Variants in ATRNL1 observed in about 807,000 individuals in gnomAD.
ATRNL1 encodes attractin-like protein 1.
A neutral mutation model predicts 182.7 loss-of-function variants in ATRNL1; 95 were observed. The observed-to-expected ratio is 0.52, with a 90% CI of 0.44 to 0.62. The LOEUF (loss-of-function observed/expected upper bound fraction) is 0.62, where lower values mean the gene tolerates loss of function less well. ATRNL1 is among the 20% of genes least tolerant of loss of function. The pLI is 0.00. For synonymous variants in ATRNL1, 576 were observed against 568.3 expected, an observed-to-expected ratio of 1.01 and a Z score of -0.19; for missense variants, 1,471 against 1,679.5, an observed-to-expected ratio of 0.88 and a Z score of 2.17.
chr10:115,138,379 T>G (rs1554877188), intron 5 of ATRNL1, among the ~76,000 whole-genome samples: 1 of 152,244 alleles, frequency 6.6e-6, no homozygotes, highest in East Asian at 1.9e-4. Flanking sequence ...CCTTCTGCAC[T>G]GCCCTAGCAG....
chr10:115,656,288 T>C (rs1472227061), intron 26 of ATRNL1, among the ~76,000 whole-genome samples: 2 of 152,198 alleles, frequency 1.3e-5, no homozygotes, highest in Non-Finnish European at 2.9e-5. Context: ...GTTGTTTTGA[T>C]ATAATATTAA....
intron 15 of ATRNL1, among the ~76,000 whole-genome samples, chr10:115,296,555 T>G (rs2133965062): frequency 6.6e-6 from 1 of 152,310 alleles, no homozygotes; most frequent in African/African-American, 2.4e-5. Context: ...CTATCCCCAG[T>G]TTCTGTCTAT....
intron 5 of ATRNL1, among the ~76,000 whole-genome samples, chr10:115,140,493 C>T (rs1008455293): frequency 6.6e-6 from 1 of 152,162 alleles, no homozygotes; most frequent in African/African-American, 2.4e-5. Context: ...CAGCAAGCTT[C>T]AGCATACAAT....
At chr10:115,778,119 G>A (rs1316978924) in intron 27 of ATRNL1, among the ~76,000 whole-genome samples, 2 of 152,292 alleles carry the variant, frequency 1.3e-5, no homozygotes, top group East Asian at 3.9e-4. Flanking sequence ...GCTAGAAATT[G>A]TAGCTGAATA....
intron 8 of ATRNL1, among the ~76,000 whole-genome samples, chr10:115,185,416 C>G (rs1847903306): frequency 6.6e-6 from 1 of 151,946 alleles, no homozygotes; most frequent in South Asian, 2.1e-4. Flanking sequence ...GTCAAAAGAA[C>G]ACAGGAATCA....
intron 19 of ATRNL1, among the ~76,000 whole-genome samples, chr10:115,377,133 G>C (rs1227614808): frequency 5.9e-5 from 9 of 151,842 alleles, no homozygotes; most frequent in Admixed American, 5.9e-4. Flanking sequence ...TTATTTAATT[G>C]TTGGTATGGT....
intron 26 of ATRNL1, among the ~76,000 whole-genome samples, chr10:115,553,833 A>T (rs1184285910): frequency 6.6e-6 from 1 of 151,504 alleles, no homozygotes; most frequent in East Asian, 1.9e-4. Context: ...TAAACCAATT[A>T]GTTATAAAAT....
chr10:115,546,724 A>G (rs1235568689), intron 25 of ATRNL1, among the ~76,000 whole-genome samples: 1 of 152,156 alleles, frequency 6.6e-6, no homozygotes, highest in Non-Finnish European at 1.5e-5. Flanking sequence ...ATATTGTATG[A>G]TATTTAAGTA....
chr10:115,209,511 T>C (rs1554894537), intron 8 of ATRNL1, among the ~76,000 whole-genome samples: 1 of 151,516 alleles, frequency 6.6e-6, no homozygotes, highest in Non-Finnish European at 1.5e-5. Flanking sequence ...ACTCTTGGTA[T>C]ATTTGAGTAA....
At chr10:115,284,396 A>G (rs1852510652) in intron 14 of ATRNL1, among the ~76,000 whole-genome samples, 1 of 152,202 alleles carries the variant, frequency 6.6e-6, no homozygotes. Flanking sequence ...AAACGTTTGC[A>G]TTGTAAGGAA....
intron 19 of ATRNL1, among the ~76,000 whole-genome samples, chr10:115,362,329 A>G (rs147232912): frequency 6.6e-6 from 1 of 152,094 alleles, no homozygotes; most frequent in African/African-American, 2.4e-5. Flanking sequence ...ATGAAAATTT[A>G]TTTTTCATAT....
Position 115,120,176 on chromosome 10 carries a change from C to T in ATRNL1, c.294-9C>T. The stretch of plus-strand genomic sequence containing the variant: ...GTAATTATTTTCATTATTTTATTTT[C>T]TCTTCCAGGTTAACAGAACCTTCTG... On this transcript the variant is annotated splice_polypyrimidine_tract_variant and intron_variant, in intron 1 of 28. Transcript: ENST00000355044. The T allele has an allele frequency of 7.0e-7, 1 of 1,437,856 alleles. No homozygotes were observed. Among genetic ancestry groups the T allele is most frequent in the Non-Finnish European group, 9.7e-7 (1 of 1,029,602 alleles). The allele number at this position is 1,437,856 out of a possible 1,614,324, so 89.1% of individuals were successfully genotyped here.
intron 19 of ATRNL1, among the ~76,000 whole-genome samples, chr10:115,368,096 G>T (rs1163296879): frequency 5.9e-5 from 9 of 152,190 alleles, no homozygotes; most frequent in African/African-American, 2.2e-4. Context: ...AAGCAAGCCT[G>T]GGCAATGGCG....
At chr10:115,888,131 A>T (rs907327360) in intron 28 of ATRNL1, among the ~76,000 whole-genome samples, 1 of 152,140 alleles carries the variant, frequency 6.6e-6, no homozygotes, top group South Asian at 2.1e-4. Context: ...TCTCTAAGGT[A>T]GCAGTCCTCT....
chr10:115,874,116 G>A (rs2134423299), intron 28 of ATRNL1, among the ~76,000 whole-genome samples: 1 of 152,268 alleles, frequency 6.6e-6, no homozygotes, highest in East Asian at 1.9e-4. Context: ...GAAAGTCATG[G>A]TTGATGCCCT....
chr10:115,603,032 G>A (rs1280168051), intron 26 of ATRNL1, among the ~76,000 whole-genome samples: 1 of 152,150 alleles, frequency 6.6e-6, no homozygotes, highest in Non-Finnish European at 1.5e-5. Flanking sequence ...GGTCTGAAAA[G>A]TTCCTGAGTA....
Position 115,945,227 on chromosome 10 carries a change from A to G in ATRNL1, c.*448A>G, listed in dbSNP as rs150129063. 1.3e-5 allele frequency: 2 copies of G among 152,522 alleles called. No homozygotes were observed. Among genetic ancestry groups the G allele is most frequent in the Non-Finnish European group, 2.9e-5 (2 of 68,206 alleles). The allele number at this position is 152,522 out of a possible 1,614,324, so 9.4% of individuals were successfully genotyped here. On this transcript the variant is annotated 3_prime_UTR_variant, in exon 29 of 29. Coordinates refer to ENST00000355044, the MANE Select transcript of ATRNL1 (RefSeq NM_207303.4). ...GGAATGAACACATTGCAATGGCTTT[A>G]AATGCTCTTTTATCTCGTTGTAAAG... is the stretch of plus-strand genomic sequence containing the variant.
At chr10:115,345,375 A>G (rs577383856) in intron 19 of ATRNL1, among the ~76,000 whole-genome samples, 91 of 152,280 alleles carry the variant, frequency 6.0e-4, no homozygotes, top group South Asian at 5.0e-3. Flanking sequence ...CCTTTCTACT[A>G]TAGCAGGACA....
At chr10:115,558,275 C>T (rs1565163757) in intron 26 of ATRNL1, among the ~76,000 whole-genome samples, 1 of 152,098 alleles carries the variant, frequency 6.6e-6, no homozygotes, top group Non-Finnish European at 1.5e-5. Context: ...AGAGAGAAAG[C>T]ACTCCACAGA....
Sources: allele counts gnomAD v4.1 joint callset (sites outside exome capture counted in the v4.1 genomes callset), GRCh38; gene constraint gnomAD v4.1.1; transcripts MANE v1.5; gene names NCBI Gene and HGNC (gene_info 2026-07-23, HGNC 2026-07-21).